The following CFAP77 variants were observed in gnomAD, a reference collection of about 807,000 sequenced individuals.
CFAP77 encodes cilia- and flagella-associated protein 77.
A neutral mutation model predicts 31.1 loss-of-function variants in CFAP77; 25 were observed. The observed-to-expected ratio is 0.80, with a 90% CI of 0.59 to 1.12. The LOEUF is 1.12. Among genes scored for constraint, CFAP77 ranks in the 50% most tolerant of loss-of-function variants. CFAP77 has a pLI of 0.00. For missense variants in CFAP77, 377 were observed against 397.3 expected, an observed-to-expected ratio of 0.95 and a Z score of 0.44; for synonymous variants, 151 against 159.9, an observed-to-expected ratio of 0.94 and a Z score of 0.42.
At chr9:132,468,159 A>G (rs1277098259) in intron 1 of CFAP77, among the ~76,000 whole-genome samples, 3 of 152,220 alleles carry the variant, frequency 2.0e-5, no homozygotes, top group Non-Finnish European at 4.4e-5. Context: ...CCTGGTCAAC[A>G]TGGCGAAACC....
At chr9:132,414,884 C>G (rs1850070062) in intron 1 of CFAP77, among the ~76,000 whole-genome samples, 1 of 152,116 alleles carries the variant, frequency 6.6e-6, no homozygotes. Context: ...AATTAGGCAA[C>G]CACACCATGC....
chr9:132,526,327 T>G (rs535242348), intron 3 of CFAP77, among the ~76,000 whole-genome samples: 4 of 152,168 alleles, frequency 2.6e-5, no homozygotes, highest in African/African-American at 9.6e-5. Context: ...CCTCCCGGGT[T>G]CATGCCATTC....
chr9:132,439,887 T>C (rs937354437), intron 1 of CFAP77, among the ~76,000 whole-genome samples: 1 of 150,174 alleles, frequency 6.7e-6, no homozygotes, highest in African/African-American at 2.5e-5. Context: ...CTAATCTACC[T>C]GTCCAGAGCA....
chr9:132,478,457 C>T (rs1379100880), intron 1 of CFAP77, among the ~76,000 whole-genome samples: 5 of 152,136 alleles, frequency 3.3e-5, no homozygotes, highest in African/African-American at 9.7e-5. Flanking sequence ...CTGTACTCGC[C>T]GAGAACAGGA....
At chr9:132,512,194 A>T (rs1350557143) in intron 3 of CFAP77, among the ~76,000 whole-genome samples, 2 of 152,120 alleles carry the variant, frequency 1.3e-5, no homozygotes, top group African/African-American at 4.8e-5. Context: ...TGGTGGCCCC[A>T]GGTGTTCCTT....
At chr9:132,546,006 G>GC (rs1442877087) in intron 5 of CFAP77, among the ~76,000 whole-genome samples, 2 of 152,122 alleles carry the variant, frequency 1.3e-5, no homozygotes, top group Non-Finnish European at 2.9e-5. Flanking sequence ...TAAAATGTGA[G>GC]CCCCCCAGGA....
intron 5 of CFAP77, among the ~76,000 whole-genome samples, chr9:132,543,413 CCTGGAGGAGGCTGTCTAG>C (rs1198807067): frequency 1.3e-5 from 2 of 152,070 alleles, no homozygotes; most frequent in African/African-American, 2.4e-5. Flanking sequence ...AGGCTGTCCA[CCTGGAGGAGGCTGTCTAG>C]CTGGGGAAGG....
chr9:132,549,341 G>A (rs1284267089), intron 5 of CFAP77, among the ~76,000 whole-genome samples: 7 of 152,226 alleles, frequency 4.6e-5, no homozygotes, highest in South Asian at 4.1e-4. Context: ...GAATCCTGTC[G>A]CTTCCTTGCA....
Position 132,511,359 on chromosome 9 carries a change from G to T in CFAP77, c.524+11759G>T, listed in dbSNP as rs533214417. 5.9e-5 allele frequency among the ~76,000 whole-genome samples: 9 copies of T among 152,264 alleles called. No individual in the cohort carries two copies. Among genetic ancestry groups the T allele is most frequent in the Admixed American group, 3.9e-4 (6 of 15,306 alleles). On this transcript the variant is annotated intron_variant, in intron 3 of 5. Coordinates refer to ENST00000393216, the MANE Select transcript of CFAP77 (RefSeq NM_001282957.2). The surrounding 1 kb of genome is among the most constrained non-coding windows in gnomAD (Gnocchi z 5.8). ...CACCTTGCCTGGCGGAGGCCTCACC[G>T]TCCTTCAGACACTCCTGTGTCTCTT...
At chr9:132,473,841 G>T (rs990228185) in intron 1 of CFAP77, among the ~76,000 whole-genome samples, 1 of 152,122 alleles carries the variant, frequency 6.6e-6, no homozygotes, top group African/African-American at 2.4e-5. Flanking sequence ...GCACCACCAC[G>T]CCCGGCTAAT....
chr9:132,482,198 T>C (rs1166790983), intron 1 of CFAP77: 41 of 640,670 alleles, frequency 6.4e-5, no homozygotes, highest in Non-Finnish European at 1.1e-4. Flanking sequence ...TTTTTTTTTT[T>C]CTTTTCATAG....
chr9:132,414,950 G>T (rs745529613), intron 1 of CFAP77, among the ~76,000 whole-genome samples: 3 of 152,136 alleles, frequency 2.0e-5, no homozygotes, highest in African/African-American at 7.2e-5. Flanking sequence ...ATAAAGGCAC[G>T]GAGAGGGACC....
At chr9:132,432,753 G>T (rs1316908068) in intron 1 of CFAP77, among the ~76,000 whole-genome samples, 1 of 151,438 alleles carries the variant, frequency 6.6e-6, no homozygotes, top group Non-Finnish European at 1.5e-5. Flanking sequence ...TCACTCTGTC[G>T]CCTGGGCTGG....
Position 132,495,341 on chromosome 9 carries a change from AG to A in CFAP77, c.196-3353del, listed in dbSNP as rs1851724640. On this transcript the variant is annotated intron_variant, in intron 1 of 5. Coordinates refer to ENST00000393216, the MANE Select transcript of CFAP77 (RefSeq NM_001282957.2). The surrounding 1 kb of genome is among the most constrained non-coding windows in gnomAD (Gnocchi z 4.2). Reference sequence around the variant, plus strand: ...TGAGTCTGTCTGTCATTCCCCTGCCAGCTGAAACTCTGCCCACCTGCACCTG... The same window carrying A: ...TGAGTCTGTCTGTCATTCCCCTGCCACTGAAACTCTGCCCACCTGCACCTG... Among the ~76,000 whole-genome samples the A allele has an allele frequency of 6.6e-6, 1 of 152,194 alleles. No homozygotes were observed.
chr9:132,461,418 G>A (rs1210442351), intron 1 of CFAP77, among the ~76,000 whole-genome samples: 1 of 152,222 alleles, frequency 6.6e-6, no homozygotes, highest in African/African-American at 2.4e-5. Context: ...TTTGGCTAAT[G>A]CCTTAATTGC....
intron 3 of CFAP77, chr9:132,513,152 C>T: frequency 1.6e-6 from 2 of 1,216,400 alleles, no homozygotes; most frequent in Non-Finnish European, 2.3e-6. Flanking sequence ...CTCAAGCACA[C>T]AATCCAATTC....
intron 1 of CFAP77, among the ~76,000 whole-genome samples, chr9:132,448,569 T>TTTTG (rs574082923): frequency 2.0e-5 from 3 of 152,016 alleles, no homozygotes; most frequent in South Asian, 2.1e-4. Context: ...GAAGCCTCTG[T>TTTTG]TTTGTTTGTT....
chr9:132,524,796 CCG>C (rs1852328413), intron 3 of CFAP77, among the ~76,000 whole-genome samples: 1 of 128,906 alleles, frequency 7.8e-6, no homozygotes, highest in Non-Finnish European at 1.8e-5. Context: ...CTACAGGCGC[CCG>C]CCACCACGCC....
chr9:132,498,818 G>C lies in CFAP77; in HGVS notation c.295+24G>C. 1 of 1,534,942 alleles carries C rather than the reference G, an allele frequency of 6.5e-7. No homozygotes were observed. Among genetic ancestry groups the C allele is most frequent in the Non-Finnish European group, 9.0e-7 (1 of 1,117,214 alleles). On this transcript the variant is annotated intron_variant, in intron 2 of 5. Coordinates refer to ENST00000393216, the MANE Select transcript of CFAP77 (RefSeq NM_001282957.2). This position sits in a 1 kb window ranked among gnomAD's most constrained non-coding sequence, Gnocchi z 4.2. ...AGGTGAGCGAGCAGCTTTGGAGCAT[G>C]AGGGCAGAGGAGTGGGAGGGAGGCT... is the stretch of plus-strand genomic sequence containing the variant.
Sources: allele counts gnomAD v4.1 joint callset (sites outside exome capture counted in the v4.1 genomes callset), GRCh38; gene constraint gnomAD v4.1.1; non-coding constraint Gnocchi (gnomAD v3.1); transcripts MANE v1.5; gene names NCBI Gene and HGNC (gene_info 2026-07-23, HGNC 2026-07-21).